The following VPS8 variants were observed in gnomAD, a reference collection of about 807,000 sequenced individuals.
VPS8 encodes the protein vacuolar protein sorting-associated protein 8 homolog.
In VPS8, 129 loss-of-function variants were observed where a neutral mutation model predicts 216.4. The ratio of observed to expected loss-of-function variants is 0.60; its 90% CI spans 0.52 to 0.69. The LOEUF (loss-of-function observed/expected upper bound fraction) is 0.69, where lower values mean the gene tolerates loss of function less well. Among genes scored for constraint, VPS8 ranks in the 30% least tolerant of loss-of-function variants. The pLI, the probability that VPS8 is intolerant of heterozygous loss-of-function variation, is 0.00. For missense variants in VPS8, 1,531 were observed against 1,683.5 expected (o/e 0.91, Z 1.59); for synonymous variants, 571 against 565.4 (o/e 1.01, Z -0.14).
chr3:184,997,961 CA>C (rs140757743), intron 44 of VPS8, among the ~76,000 whole-genome samples: 12,085 of 152,156 alleles, frequency 0.079, 505 homozygotes, highest in South Asian at 0.12. Context: ...CATGCAACGT[CA>C]GAAGAGAGTA....
intron 22 of VPS8, among the ~76,000 whole-genome samples, chr3:184,891,645 AACTGTGGT>A (rs1371036730): frequency 6.6e-6 from 1 of 152,164 alleles, no homozygotes; most frequent in Non-Finnish European, 1.5e-5. Flanking sequence ...AATCTTTACG[AACTGTGGT>A]ACTTGTATCA....
rs1199661996 is a variant in VPS8, at chr3:184,957,458, C to T, written c.3120C>T (p.Asn1040=). 2.5e-6 allele frequency: 4 copies of T among 1,612,526 alleles called. No individual in the cohort carries two copies. Among genetic ancestry groups the T allele is most frequent in the African/African-American group, 1.3e-5 (1 of 74,890 alleles). Residue 1040 remains asparagine, a synonymous_variant, in exon 37 of 48, where the codon AAC becomes AAT. Transcript: ENST00000625842. ...EQFIELLCQF[N]PTQVIETLQV... is the part of the protein sequence containing the mutation. ...TCATTGAGCTGTTGTGTCAGTTCAA[C>T]CCAACCCAAGTTATAGAGACTCTGC...
chr3:184,926,500 G>A, intron 30 of VPS8, 94 bp from the exon 31 acceptor site: 2 of 1,286,024 alleles, frequency 1.6e-6, no homozygotes, highest in Non-Finnish European at 2.2e-6. Flanking sequence ...GTGTGAATGA[G>A]TTGGTTATTT....
chr3:184,956,378 A>G (rs1189314446), intron 36 of VPS8, among the ~76,000 whole-genome samples: 2 of 152,208 alleles, frequency 1.3e-5, no homozygotes, highest in African/African-American at 4.8e-5. Context: ...CCAAACAAAT[A>G]TCTTATTTTC....
At chr3:185,022,649 T>C (rs1162321177) in intron 45 of VPS8, among the ~76,000 whole-genome samples, 25 of 152,234 alleles carry the variant, frequency 1.6e-4, no homozygotes, top group Non-Finnish European at 2.1e-4. Context: ...TGTTGTAATA[T>C]ATCCTCTTTC....
At chr3:185,004,977 A>G (rs1013384455) in intron 45 of VPS8, among the ~76,000 whole-genome samples, 1 of 1,028 alleles carries the variant, frequency 9.7e-4, no homozygotes, top group African/African-American at 1.1e-3. Context: ...GCCTAAGCCA[A>G]TGTCTATACA....
intron 37 of VPS8, among the ~76,000 whole-genome samples, chr3:184,960,164 GAACTCA>G (rs1746278932): frequency 6.6e-6 from 1 of 152,170 alleles, no homozygotes; most frequent in Non-Finnish European, 1.5e-5. Context: ...CAAAGGACAT[GAACTCA>G]TCCTTTATTA....
chr3:185,017,955 A>C (rs1349736862), intron 45 of VPS8, among the ~76,000 whole-genome samples: 1 of 151,944 alleles, frequency 6.6e-6, no homozygotes, highest in Non-Finnish European at 1.5e-5. Context: ...AGCAGTTTTC[A>C]TTTTTTCCCT....
chr3:184,886,510 C>G (rs1731277292), intron 22 of VPS8, among the ~76,000 whole-genome samples: 1 of 149,180 alleles, frequency 6.7e-6, no homozygotes, highest in African/African-American at 2.5e-5. Context: ...TATATATATA[C>G]ACACACACAT....
At chr3:184,957,317 T>C (rs114385439) in intron 36 of VPS8, 57 bp from the exon 37 acceptor site, 2 of 1,526,878 alleles carry the variant, frequency 1.3e-6, no homozygotes, top group African/African-American at 1.4e-5. Context: ...CTTTTAATTA[T>C]AGATGTGATT....
chr3:184,928,998 C>G (rs543342844), intron 32 of VPS8, among the ~76,000 whole-genome samples: 1 of 152,086 alleles, frequency 6.6e-6, no homozygotes, highest in South Asian at 2.1e-4. Context: ...CAATTAATAT[C>G]TAACATATTC....
chr3:184,907,132 A>C (rs1243178788), intron 25 of VPS8, among the ~76,000 whole-genome samples: 1 of 152,168 alleles, frequency 6.6e-6, no homozygotes, highest in Admixed American at 6.5e-5. Flanking sequence ...TACGTTTAAG[A>C]TGTGCATTGG....
intron 45 of VPS8, among the ~76,000 whole-genome samples, chr3:185,001,001 T>C (rs1753345601): frequency 6.6e-6 from 1 of 152,222 alleles, no homozygotes; most frequent in African/African-American, 2.4e-5. Context: ...GTAGAACTTC[T>C]ACTCTCCAGT....
chr3:184,929,504 C>G (rs1471699674), intron 32 of VPS8, 76 bp from the exon 33 acceptor site: 7 of 857,010 alleles, frequency 8.2e-6, no homozygotes, highest in African/African-American at 1.7e-5. Context: ...TTTCCTAATA[C>G]TAACCTGTGT....
intron 1 of VPS8, among the ~76,000 whole-genome samples, chr3:184,822,053 G>T (rs1188299922): frequency 6.7e-6 from 1 of 150,006 alleles, no homozygotes; most frequent in Non-Finnish European, 1.5e-5. Context: ...CCATTTTAAT[G>T]ATATAGAAAT....
chr3:184,835,459 G>A (rs1340378056), intron 5 of VPS8, among the ~76,000 whole-genome samples: 2 of 152,048 alleles, frequency 1.3e-5, no homozygotes, highest in East Asian at 1.9e-4. Context: ...TAATGTAAAC[G>A]ATATTTAATG....
chr3:184,876,866 TCATTTTCTA>T (rs1247440742), intron 21 of VPS8, among the ~76,000 whole-genome samples: 12 of 152,228 alleles, frequency 7.9e-5, no homozygotes, highest in African/African-American at 2.9e-4. Context: ...GTACTTCATT[TCATTTTCTA>T]CACAGCAGCC....
In VPS8 at chr3:184,922,429, C is replaced by T. The variant is rs1338894353; in HGVS notation, c.2454+2231C>T. On this transcript the variant is annotated intron_variant, in intron 29 of 47. Transcript: ENST00000625842. ...ATTACTGTTTTGGTCATTGTTTTAGCATGCCTAGAACAGATCCAGCACAAT... is the reference window on the plus strand; with the variant it reads ...ATTACTGTTTTGGTCATTGTTTTAGTATGCCTAGAACAGATCCAGCACAAT... 3 of 454,742 alleles carry T rather than the reference C, an allele frequency of 6.6e-6. 1 individual carries two copies. The Admixed American group carries it at 7.1e-5, about 11-fold the overall frequency. The allele number at this position is 454,742 out of a possible 1,614,324, so 28.2% of individuals were successfully genotyped here.
At chr3:185,002,609 TC>T (rs151212391) in intron 45 of VPS8, among the ~76,000 whole-genome samples, 30 of 152,006 alleles carry the variant, frequency 2.0e-4, no homozygotes, top group Admixed American at 2.0e-3. Flanking sequence ...CTCCAGTCCT[TC>T]CCCCCTCCCT....
Sources: allele counts gnomAD v4.1 joint callset (sites outside exome capture counted in the v4.1 genomes callset), GRCh38; gene constraint gnomAD v4.1.1; transcripts MANE v1.5; gene names NCBI Gene and HGNC (gene_info 2026-07-23, HGNC 2026-07-21).